The following UGT1A3 variants were observed in gnomAD, a reference collection of about 807,000 sequenced individuals.
UGT1A3 encodes the protein UDP-glucuronosyltransferase 1A3.
UGT1A3 carries 31 observed loss-of-function variants against 41.0 expected under a neutral mutation model. The ratio of observed to expected loss-of-function variants is 0.76; its 90% CI spans 0.57 to 1.02. UGT1A3 has a LOEUF of 1.02. Among genes scored for constraint, UGT1A3 ranks in the 50% least tolerant of loss-of-function variants. UGT1A3 has a pLI of 0.00. For missense variants in UGT1A3, 737 were observed against 671.0 expected, an observed-to-expected ratio of 1.10 and a Z score of -1.09; for synonymous variants, 262 against 257.6, an observed-to-expected ratio of 1.02 and a Z score of -0.17.
intron 1 of UGT1A3, among the ~76,000 whole-genome samples, chr2:233,759,570 T>G (rs2125974184): frequency 6.6e-6 from 1 of 152,070 alleles, no homozygotes; most frequent in African/African-American, 2.4e-5. Flanking sequence ...TTCTGGTCAT[T>G]CTCTACCCCA....
At chr2:233,755,185 T>G (rs1695803868) in intron 1 of UGT1A3, 2 of 1,189,530 alleles carry the variant, frequency 1.7e-6, no homozygotes, top group Non-Finnish European at 2.3e-6. Context: ...GGGTGCCACT[T>G]GAGCGCCAGC....
At chr2:233,766,924 A>T (rs985684086) in intron 1 of UGT1A3, 110 bp from the exon 2 acceptor site, 2 of 1,565,450 alleles carry the variant, frequency 1.3e-6, no homozygotes, top group East Asian at 4.5e-5. Context: ...TCAAACACGC[A>T]TGCCTTTAAT....
In UGT1A3 at chr2:233,772,897, C is replaced by T. The variant is rs1320013324; in HGVS notation, c.*338C>T. 6.1e-6 allele frequency: 3 copies of T among 493,984 alleles called. No homozygotes were observed. Among genetic ancestry groups the T allele is most frequent in the Non-Finnish European group, 9.8e-6 (3 of 304,676 alleles). The allele number at this position is 493,984 out of a possible 1,614,324, so 30.6% of individuals were successfully genotyped here. A position where few individuals can be genotyped will look rare whatever the true frequency, so the allele number is the denominator to read the frequency against. ...AGTGCGGGATTCAAAGGTGGTCCCA[C>T]GGCTGCCCCTACTGCAAATGGCAGT... On this transcript the variant is annotated 3_prime_UTR_variant, in exon 5 of 5. Coordinates refer to ENST00000482026, the MANE Select transcript of UGT1A3 (RefSeq NM_019093.4).
chr2:233,754,850 A>C (rs1172788240), intron 1 of UGT1A3: 1 of 1,345,454 alleles, frequency 7.4e-7, no homozygotes, highest in African/African-American at 1.5e-5. Context: ...AGGCAGAGAA[A>C]AGGGGTGCAG....
chr2:233,760,811 T>G (rs72551341), intron 1 of UGT1A3: 1 of 1,613,198 alleles, frequency 6.2e-7, no homozygotes, highest in South Asian at 1.1e-5. Context: ...TTGCATGCAC[T>G]GCCATGCAGC....
At chr2:233,765,122 G>A (rs181302961) in intron 1 of UGT1A3, among the ~76,000 whole-genome samples, 232 of 152,218 alleles carry the variant, frequency 1.5e-3, no homozygotes, top group Admixed American at 3.1e-3. Context: ...GACTGTTCAG[G>A]TTTTAGCACT....
At chr2:233,730,107 G>A (rs2077985691) in intron 1 of UGT1A3, 114 bp downstream of exon 1, 1 of 1,570,754 alleles carries the variant, frequency 6.4e-7, no homozygotes, top group Non-Finnish European at 8.6e-7. Flanking sequence ...TTTCATTTCT[G>A]CTTCTCCTTG....
Position 233,760,881 on chromosome 2 carries a change from C to T in UGT1A3, c.868-6153C>T, listed in dbSNP as rs199675631. ...TCTCCTACGTGCCCAGGCCTCTCTC[C>T]TCTCATTCAGATCACATGACCTTCC... On this transcript the variant is annotated intron_variant, in intron 1 of 4. Transcript: ENST00000482026. The T allele has an allele frequency of 3.1e-6, 5 of 1,614,198 alleles. No homozygotes were observed. The South Asian group carries it at 4.4e-5, about 14-fold the overall frequency.
intron 1 of UGT1A3, chr2:233,755,261 G>C (rs1442150755): frequency 1.2e-6 from 1 of 807,566 alleles, no homozygotes; most frequent in African/African-American, 1.7e-5. Flanking sequence ...CCTCGTAGTA[G>C]TCCACTATGC....
chr2:233,772,112 C>T (rs1700461982), intron 4 of UGT1A3, 150 bp from the exon 5 acceptor site: 2 of 1,527,992 alleles, frequency 1.3e-6, no homozygotes, highest in Non-Finnish European at 1.8e-6. Flanking sequence ...GACTCTGTAT[C>T]TAAAAACAAC....
At chr2:233,747,014 C>T (rs774665109) in intron 1 of UGT1A3, among the ~76,000 whole-genome samples, 7 of 151,838 alleles carry the variant, frequency 4.6e-5, no homozygotes, top group Non-Finnish European at 1.0e-4. Context: ...TAGGAGTGAT[C>T]GGTCTTTCCC....
At position 233,767,899 on chromosome 2, in the gene UGT1A3, G is replaced by T; in HGVS notation, c.1050G>T (p.Thr350=). Residue 350 remains threonine (T), a synonymous_variant, in exon 3 of 5, where the codon ACG becomes ACT. Transcript: ENST00000482026. The part of the protein sequence containing the change: ...GTRPSNLANN[T]ILVKWLPQND... ...GACCATCGAATCTTGCGAACAACAC[G>T]ATACTTGTTAAGTGGCTACCCCAAA... 1 of 1,614,142 alleles carries T rather than the reference G, an allele frequency of 6.2e-7. No individual in the cohort carries two copies. The highest frequency in any genetic ancestry group is 8.5e-7 in the Non-Finnish European group (1 of 1,180,040).
At chr2:233,747,099 C>T (rs1382470135) in intron 1 of UGT1A3, 1 of 1,328,162 alleles carries the variant, frequency 7.5e-7, no homozygotes, top group African/African-American at 1.5e-5. Context: ...ACTCTATCTT[C>T]CAATTACATG....
intron 1 of UGT1A3, chr2:233,760,407 G>A (rs749423657): frequency 4.3e-6 from 7 of 1,614,102 alleles, no homozygotes; most frequent in Non-Finnish European, 5.9e-6. Context: ...GCAGCCACTG[G>A]CTGAGCATGC....
Position 233,729,857 on chromosome 2 carries a change from CAGT to C in UGT1A3, c.732_734del (p.Val246del), listed in dbSNP as rs759461021. The C allele has an allele frequency of 1.9e-6, 3 of 1,613,876 alleles. No individual in the cohort carries two copies. Among genetic ancestry groups the C allele is most frequent in the Non-Finnish European group, 2.5e-6 (3 of 1,179,848 alleles). ...TCTGAGCTTTTTCAGAGAGAGGTGT[CAGT>C]GGTGGATATTCTCAGTCATGCATCT... On this transcript the variant is annotated inframe_deletion, in exon 1 of 5. Transcript: ENST00000482026.
In UGT1A3 at chr2:233,768,537, T is replaced by C; in HGVS notation, c.1307+98T>C. ...TTACGTAGCATTTAATAGCGTTGTT[T>C]CAAATATAAAAACAAATACATAAAA... On this transcript the variant is annotated intron_variant, in intron 4 of 4. Transcript: ENST00000482026. 2.0e-6 allele frequency: 3 copies of C among 1,499,906 alleles called. No individual in the cohort carries two copies. The South Asian group carries it at 4.0e-5, about 20-fold the overall frequency. The allele number at this position is 1,499,906 out of a possible 1,614,324, so 92.9% of individuals were successfully genotyped here.
intron 1 of UGT1A3, among the ~76,000 whole-genome samples, chr2:233,733,410 G>A (rs1464180881): frequency 6.6e-6 from 1 of 152,160 alleles, no homozygotes; most frequent in Non-Finnish European, 1.5e-5. Flanking sequence ...AATGCTTCCA[G>A]TTTTCGCCTA....
intron 1 of UGT1A3, among the ~76,000 whole-genome samples, chr2:233,759,654 A>G: frequency 8.3e-6 from 1 of 120,204 alleles, no homozygotes; most frequent in Non-Finnish European, 1.6e-5. Flanking sequence ...CACGATTTCT[A>G]AGTTCCTGCT....
intron 1 of UGT1A3, chr2:233,744,153 G>A (rs1282239718): frequency 6.6e-6 from 2 of 302,660 alleles, no homozygotes; most frequent in Non-Finnish European, 1.3e-5. Flanking sequence ...TCCAAGACCA[G>A]GCCCCGCCCA....
Sources: gnomAD v4.1 joint callset for allele counts (sites outside exome capture counted in the v4.1 genomes callset) on GRCh38, gnomAD v4.1.1 for gene constraint, MANE v1.5 for transcripts, NCBI Gene and HGNC (gene_info 2026-07-23, HGNC 2026-07-21) for gene names.